The following SETD3 variants were observed in gnomAD, a reference collection of about 807,000 sequenced individuals.
SETD3 encodes the protein actin-histidine N-methyltransferase.
SETD3 carries 19 observed loss-of-function variants against 63.0 expected under a neutral mutation model. The ratio of observed to expected loss-of-function variants is 0.30; its 90% CI spans 0.21 to 0.44. The LOEUF (loss-of-function observed/expected upper bound fraction) is 0.44. SETD3 is among the 20% of genes least tolerant of loss of function. The probability of loss-of-function intolerance (pLI) is 1.00; values close to 1 mark genes in which losing one functional copy is unlikely to be tolerated. For synonymous variants in SETD3, 286 were observed against 264.1 expected (o/e 1.08, Z -0.80); for missense variants, 587 against 728.5 (o/e 0.81, Z 2.24).
chr14:99,451,892 C>T (rs1894482838), intron 6 of SETD3, among the ~76,000 whole-genome samples: 1 of 152,092 alleles, frequency 6.6e-6, no homozygotes, highest in South Asian at 2.1e-4. Context: ...TGTTGAACAC[C>T]TGAAGGATAT....
intron 6 of SETD3, among the ~76,000 whole-genome samples, chr14:99,435,773 C>T (rs1893448135): frequency 7.1e-6 from 1 of 139,994 alleles, no homozygotes; most frequent in Non-Finnish European, 1.5e-5. Flanking sequence ...AGTATGGAAA[C>T]TGAGGCTCAG....
chr14:99,443,817 T>A (rs1385788389), intron 6 of SETD3, among the ~76,000 whole-genome samples: 1 of 152,186 alleles, frequency 6.6e-6, no homozygotes, highest in Non-Finnish European at 1.5e-5. Flanking sequence ...TTTGCCTCAA[T>A]ATAAGGAATG....
rs566257510 is a variant in SETD3 at position 99,404,739 on chromosome 14, G to A, written c.1092-429C>T. On this transcript the variant is annotated intron_variant, in intron 10 of 12. Coordinates refer to ENST00000331768, the MANE Select transcript of SETD3 (RefSeq NM_032233.3). ...ATTAAGAATGGTTCCTCTATTCCCT[G>A]GAGAACTAATGAATCCTAATTCCTG... is the stretch of plus-strand genomic sequence containing the variant. Among the ~76,000 whole-genome samples the A allele has an allele frequency of 5.9e-5, 9 of 152,234 alleles. 1 individual carries two copies. The highest frequency in any genetic ancestry group is 2.2e-4 in the African/African-American group (9 of 41,538).
intron 1 of SETD3, among the ~76,000 whole-genome samples, chr14:99,467,565 T>C (rs1320033073): frequency 6.6e-6 from 1 of 152,206 alleles, no homozygotes; most frequent in African/African-American, 2.4e-5. Context: ...AGTCTGGTAA[T>C]AAGGACGTTA....
chr14:99,413,801 T>C (rs1173535196), intron 7 of SETD3, 75 bp downstream of exon 7: 23 of 1,404,718 alleles, frequency 1.6e-5, no homozygotes, highest in Non-Finnish European at 2.3e-5. Context: ...ACTGAAGCCC[T>C]TCCCTCCCTT....
intron 11 of SETD3, among the ~76,000 whole-genome samples, chr14:99,402,431 T>C (rs1271752188): frequency 8.5e-5 from 13 of 152,218 alleles, no homozygotes; most frequent in Admixed American, 2.0e-4. Flanking sequence ...GTTCGTTTGT[T>C]TGTTTGTTTT....
chr14:99,443,532 G>A (rs546369544), intron 6 of SETD3, among the ~76,000 whole-genome samples: 6 of 152,256 alleles, frequency 3.9e-5, no homozygotes, highest in African/African-American at 1.2e-4. Context: ...GATTACAGGC[G>A]TGAGCCACTG....
intron 6 of SETD3, among the ~76,000 whole-genome samples, chr14:99,434,979 G>A (rs577243993): frequency 6.7e-6 from 1 of 148,832 alleles, no homozygotes; most frequent in African/African-American, 2.5e-5. Flanking sequence ...GCTCATCTTT[G>A]CTATAGGAGG....
intron 6 of SETD3, among the ~76,000 whole-genome samples, chr14:99,417,220 G>A (rs1015891398): frequency 6.6e-6 from 1 of 152,188 alleles, no homozygotes; most frequent in African/African-American, 2.4e-5. Context: ...TGGATTATAA[G>A]TGTTTGAAGA....
intron 6 of SETD3, among the ~76,000 whole-genome samples, chr14:99,417,925 A>C (rs1270257947): frequency 6.6e-6 from 1 of 152,246 alleles, no homozygotes; most frequent in African/African-American, 2.4e-5. Context: ...TAGAACACAC[A>C]AATGGCCTCT....
chr14:99,458,274 C>T lies in SETD3; in HGVS notation c.675+5G>A, dbSNP rs767696978. On this transcript the variant is annotated splice_donor_5th_base_variant and intron_variant, in intron 6 of 12. Coordinates refer to ENST00000331768, the MANE Select transcript of SETD3 (RefSeq NM_032233.3). ...TATATACTTAAATTGCAAACAGCTG[C>T]TCACCTGGATGACTTTATAGAAGTA... 6.2e-7 allele frequency: 1 copy of T among 1,608,700 alleles called. No homozygotes were observed. Among genetic ancestry groups the T allele is most frequent in the Non-Finnish European group, 8.5e-7 (1 of 1,175,962 alleles).
chr14:99,400,021 G>C (rs367770346), intron 12 of SETD3, 78 bp downstream of exon 12: 2 of 1,341,618 alleles, frequency 1.5e-6, no homozygotes, highest in Non-Finnish European at 2.0e-6. Context: ...GATTACAGGC[G>C]TGAGCCACCG....
Position 99,418,518 on chromosome 14 carries a change from G to A in SETD3, c.676-4584C>T, listed in dbSNP as rs1334901985. 2.6e-5 allele frequency among the ~76,000 whole-genome samples: 4 copies of A among 152,130 alleles called. No homozygotes were observed. The East Asian group carries it at 7.7e-4, about 29-fold the overall frequency. On this transcript the variant is annotated intron_variant, in intron 6 of 12. Transcript: ENST00000331768. ...ATGCAATTTTGCAAGTTTCAGAAATGTGACCCTATCTCACATAACCAAGAG... is the reference window on the plus strand; with the variant it reads ...ATGCAATTTTGCAAGTTTCAGAAATATGACCCTATCTCACATAACCAAGAG...
At chr14:99,409,336 T>C (rs1320999536) in intron 8 of SETD3, among the ~76,000 whole-genome samples, 2 of 152,016 alleles carry the variant, frequency 1.3e-5, no homozygotes, top group Non-Finnish European at 2.9e-5. Flanking sequence ...TAAAAGCAAG[T>C]GGAACTGAGA....
At chr14:99,424,818 T>C (rs1447711224) in intron 6 of SETD3, among the ~76,000 whole-genome samples, 1 of 152,100 alleles carries the variant, frequency 6.6e-6, no homozygotes, top group African/African-American at 2.4e-5. Context: ...AGACCCTGAA[T>C]CTGTACCCAG....
intron 1 of SETD3, among the ~76,000 whole-genome samples, chr14:99,470,419 T>A (rs534402484): frequency 6.6e-6 from 1 of 152,180 alleles, no homozygotes; most frequent in Non-Finnish European, 1.5e-5. Flanking sequence ...GTGGCTAGCC[T>A]AGGTTAGGCA....
chr14:99,425,885 A>C (rs547100510), intron 6 of SETD3, among the ~76,000 whole-genome samples: 43 of 152,344 alleles, frequency 2.8e-4, no homozygotes, highest in African/African-American at 9.1e-4. Context: ...AGGTTTTTCC[A>C]GATCATTAGC....
intron 6 of SETD3, among the ~76,000 whole-genome samples, chr14:99,423,522 T>A (rs2139670105): frequency 7.3e-6 from 1 of 136,670 alleles, no homozygotes; most frequent in African/African-American, 2.7e-5. Flanking sequence ...TGATTTTTTT[T>A]AATTGCCTTT....
In SETD3 at chr14:99,458,470, G is replaced by C; in HGVS notation, c.484C>G (p.Leu162Val). ...GAGTTAGGGCTGGCTCGCTCACACAGCAAATGAAAGGCCAGTGCGATGTTT... is the reference window on the plus strand; with the variant it reads ...GAGTTAGGGCTGGCTCGCTCACACACCAAATGAAAGGCCAGTGCGATGTTT... Reference protein sequence around the residue: ...MGNIALAFHLLCERASPNSFW... With the variant: ...MGNIALAFHLVCERASPNSFW... The change falls in exon 6 of 13, where the codon CTG (leucine) becomes GTG (valine). Residue 162 changes from leucine (L) to valine (V), a missense_variant. Leu to Val is a conservative substitution (Grantham distance 32). Coordinates refer to ENST00000331768, the MANE Select transcript of SETD3 (RefSeq NM_032233.3). 2 of 1,614,146 alleles carry C rather than the reference G, an allele frequency of 1.2e-6. No individual in the cohort carries two copies. Among genetic ancestry groups the C allele is most frequent in the Non-Finnish European group, 1.7e-6 (2 of 1,180,024 alleles).
Sources: gnomAD v4.1 joint callset for allele counts (sites outside exome capture counted in the v4.1 genomes callset) on GRCh38, gnomAD v4.1.1 for gene constraint, MANE v1.5 for transcripts, NCBI Gene and HGNC (gene_info 2026-07-23, HGNC 2026-07-21) for gene names.